CRK: variants seen among roughly 807,000 people sequenced by gnomAD.
CRK encodes adapter molecule crk.
Under a neutral mutation model 29.8 loss-of-function variants are expected in CRK, and 4 were observed. That is an observed-to-expected ratio of 0.13 (90% CI 0.07 to 0.31). The LOEUF is 0.31. Among genes scored for constraint, CRK ranks in the 10% least tolerant of loss-of-function variants. The pLI is 1.00. For missense variants in CRK, 274 were observed against 396.5 expected, an observed-to-expected ratio of 0.69 and a Z score of 2.62; for synonymous variants, 153 against 164.9, an observed-to-expected ratio of 0.93 and a Z score of 0.55.
At chr17:1,427,222 T>C (rs1255517896) in intron 2 of CRK, among the ~76,000 whole-genome samples, 1 of 148,096 alleles carries the variant, frequency 6.8e-6, no homozygotes, top group Non-Finnish European at 1.5e-5. Context: ...GCCTGGGAGT[T>C]TGAGCTGTAG....
chr17:1,450,044 A>C (rs1364724576), intron 1 of CRK, among the ~76,000 whole-genome samples: 3 of 152,038 alleles, frequency 2.0e-5, no homozygotes, highest in Non-Finnish European at 1.5e-5. Context: ...TACTAAAAAT[A>C]CAAAAAAATT....
chr17:1,450,776 T>C (rs1053945826), intron 1 of CRK, among the ~76,000 whole-genome samples: 7 of 150,856 alleles, frequency 4.6e-5, no homozygotes, highest in African/African-American at 1.7e-4. Context: ...ATCCCAGCTA[T>C]TTGGGAGACT....
At chr17:1,453,765 G>A (rs2074036051) in intron 1 of CRK, among the ~76,000 whole-genome samples, 1 of 152,146 alleles carries the variant, frequency 6.6e-6, no homozygotes, top group Admixed American at 6.6e-5. Flanking sequence ...AAACTAGCCA[G>A]GCGTAGTGGA....
intron 1 of CRK, 69 bp downstream of exon 1, chr17:1,455,808 C>G (rs1213533906): frequency 7.1e-7 from 1 of 1,414,270 alleles, no homozygotes; most frequent in African/African-American, 1.5e-5. Context: ...TCTCGAGGAC[C>G]AGCCAGCCAG....
chr17:1,423,096 G>T lies in CRK; in HGVS notation c.*417C>A. The T allele has an allele frequency of 2.4e-6, 1 of 419,768 alleles. No homozygotes were observed. The highest frequency in any genetic ancestry group is 9.5e-5 in the South Asian group (1 of 10,518). The allele number at this position is 419,768 out of a possible 1,614,324, so 26.0% of individuals were successfully genotyped here. A position where few individuals can be genotyped will look rare whatever the true frequency, so the allele number is the denominator to read the frequency against. On this transcript the variant is annotated 3_prime_UTR_variant, in exon 3 of 3. Coordinates refer to ENST00000300574, the MANE Select transcript of CRK (RefSeq NM_016823.4). ...GGTGCATGATTACTTCACGGGGGTG[G>T]AACGGAACAGTCTGTCGCCATTTGA...
chr17:1,455,219 A>G (rs1308229129), intron 1 of CRK, among the ~76,000 whole-genome samples: 1 of 152,200 alleles, frequency 6.6e-6, no homozygotes, highest in Non-Finnish European at 1.5e-5. Context: ...ATCGCCTTAA[A>G]CTGGGTTGGG....
chr17:1,454,688 A>G (rs1451783835), intron 1 of CRK, among the ~76,000 whole-genome samples: 1 of 152,176 alleles, frequency 6.6e-6, no homozygotes, highest in Non-Finnish European at 1.5e-5. Context: ...ACCCATTCTC[A>G]GCTGGCCAAG....
rs546451958 is a variant in CRK, at chr17:1,429,361, C to G, written c.778-5711G>C. Among the ~76,000 whole-genome samples the G allele has an allele frequency of 9.2e-5, 14 of 152,070 alleles. No individual in the cohort carries two copies. In the East Asian group the frequency reaches 2.5e-3, roughly 27 times the overall value. On this transcript the variant is annotated intron_variant, in intron 2 of 2. Coordinates refer to ENST00000300574, the MANE Select transcript of CRK (RefSeq NM_016823.4). ...GCAGTGGCACAATCTTGTCTCATTG[C>G]AAACTCCGCCTCCTGGAGTCTTGTG... is the stretch of plus-strand genomic sequence containing the variant.
At chr17:1,434,118 A>G (rs149628100) in intron 2 of CRK, among the ~76,000 whole-genome samples, 2 of 152,248 alleles carry the variant, frequency 1.3e-5, no homozygotes, top group East Asian at 1.9e-4. Context: ...TAAGGCCCTC[A>G]AAAACCTTTA....
rs142954537 is a variant in CRK, at chr17:1,423,199, G to A, written c.*314C>T. ...TGTGTAACACTCCTTCCTGTCCATC[G>A]GTTTTCCACAGGGTGATTTGCACTG... On this transcript the variant is annotated 3_prime_UTR_variant, in exon 3 of 3. Transcript: ENST00000300574. The A allele has an allele frequency of 1.4e-4, 70 of 489,764 alleles. No individual in the cohort carries two copies. In the East Asian group the frequency reaches 1.5e-3, roughly 10 times the overall value. 30.3% of individuals were successfully genotyped at this position (489,764 alleles called of 1,614,324 possible).
At chr17:1,442,158 GTTTT>G (rs56392950) in intron 1 of CRK, among the ~76,000 whole-genome samples, 22 of 142,566 alleles carry the variant, frequency 1.5e-4, no homozygotes, top group Non-Finnish European at 2.6e-4. Flanking sequence ...CGCCCGGCCT[GTTTT>G]TTTTTTTTTT....
intron 1 of CRK, among the ~76,000 whole-genome samples, chr17:1,454,214 A>C (rs895684474): frequency 4.7e-5 from 7 of 150,034 alleles, no homozygotes; most frequent in African/African-American, 1.5e-4. Flanking sequence ...TAAATAAATA[A>C]GTAAGAAATA....
At chr17:1,429,254 G>A (rs1457642769) in intron 2 of CRK, among the ~76,000 whole-genome samples, 1 of 151,974 alleles carries the variant, frequency 6.6e-6, no homozygotes, top group Non-Finnish European at 1.5e-5. Flanking sequence ...CTACTTGGGA[G>A]ACTGAGGGGA....
intron 1 of CRK, 64 bp from the exon 2 acceptor site, chr17:1,437,219 T>C (rs796296786): frequency 2.0e-6 from 3 of 1,479,794 alleles, no homozygotes; most frequent in Non-Finnish European, 2.7e-6. Flanking sequence ...ATGCAGATTT[T>C]ATTTTTATTT....
intron 1 of CRK, 113 bp from the exon 2 acceptor site, chr17:1,437,268 T>C (rs2073893953): frequency 8.3e-7 from 1 of 1,203,600 alleles, no homozygotes; most frequent in Non-Finnish European, 1.1e-6. Flanking sequence ...CCCAGGCTGG[T>C]CTTGACCTCC....
intron 2 of CRK, among the ~76,000 whole-genome samples, chr17:1,434,129 C>T (rs2073869053): frequency 6.6e-6 from 1 of 152,108 alleles, no homozygotes; most frequent in Admixed American, 6.6e-5. Flanking sequence ...AAAACCTTTA[C>T]AGAAAAGGTT....
intron 2 of CRK, among the ~76,000 whole-genome samples, chr17:1,429,213 C>T (rs1436220052): frequency 2.6e-5 from 4 of 151,900 alleles, no homozygotes; most frequent in African/African-American, 4.8e-5. Flanking sequence ...TTTTTTACAC[C>T]GGGTACGCTG....
At chr17:1,445,839 G>A (rs917523020) in intron 1 of CRK, among the ~76,000 whole-genome samples, 5 of 152,178 alleles carry the variant, frequency 3.3e-5, no homozygotes, top group Admixed American at 3.3e-4. Context: ...AAGCTCCCTT[G>A]CTAAGGTTTA....
intron 1 of CRK, among the ~76,000 whole-genome samples, chr17:1,445,003 C>T (rs1309166060): frequency 6.6e-6 from 1 of 150,852 alleles, no homozygotes; most frequent in Non-Finnish European, 1.5e-5. Flanking sequence ...AAAAAATTAG[C>T]CGGGCATGGT....
Sources: allele counts gnomAD v4.1 joint callset (sites outside exome capture counted in the v4.1 genomes callset), GRCh38; gene constraint gnomAD v4.1.1; transcripts MANE v1.5; gene names NCBI Gene and HGNC (gene_info 2026-07-23, HGNC 2026-07-21).